The following MRC1 variants were observed in gnomAD, a reference collection of about 807,000 sequenced individuals.
MRC1 encodes mannose receptor C-type 1.
In MRC1, 62 loss-of-function variants were observed where a neutral mutation model predicts 102.9. The observed-to-expected ratio is 0.60, with a 90% CI of 0.49 to 0.74. MRC1 has a LOEUF of 0.74. Ranked by LOEUF, MRC1 falls within the 30% of genes least tolerant of loss-of-function variation. The probability of loss-of-function intolerance (pLI) is 0.00; values close to 1 mark genes in which losing one functional copy is unlikely to be tolerated. For synonymous variants in MRC1, 457 were observed against 298.4 expected, an observed-to-expected ratio of 1.53 and a Z score of -5.48; for missense variants, 1,237 against 862.8, an observed-to-expected ratio of 1.43 and a Z score of -5.43.
chr10:17,901,413 G>A (rs1459891710), intron 25 of MRC1, among the ~76,000 whole-genome samples: 2 of 152,212 alleles, frequency 1.3e-5, no homozygotes, highest in Non-Finnish European at 2.9e-5. Flanking sequence ...TTTGGGCCGG[G>A]TGCGGTGGCT....
intron 5 of MRC1, among the ~76,000 whole-genome samples, chr10:17,843,494 C>T (rs1838780189): frequency 6.6e-6 from 1 of 151,902 alleles, no homozygotes; most frequent in African/African-American, 2.4e-5. Context: ...GGTGAAACCC[C>T]GTCTATACTA....
intron 3 of MRC1, among the ~76,000 whole-genome samples, chr10:17,831,190 C>G (rs926848001): frequency 1.3e-5 from 2 of 150,796 alleles, no homozygotes; most frequent in Non-Finnish European, 2.9e-5. Context: ...CCATGGCGCC[C>G]GCATTTTCTA....
intron 1 of MRC1, among the ~76,000 whole-genome samples, chr10:17,809,773 G>T (rs1003454078): frequency 8.5e-5 from 13 of 152,258 alleles, no homozygotes; most frequent in Admixed American, 6.5e-4. Context: ...GAACCCTACA[G>T]ACCTTCAGTG....
In MRC1 at chr10:17,910,632, C is replaced by A; in HGVS notation, c.*167C>A. On this transcript the variant is annotated 3_prime_UTR_variant, in exon 30 of 30. Transcript: ENST00000569591. ...AATAATTGCTTGTTTTCTAGCCTGG[C>A]AAGATATTTTCATAAAAGAGGGATA... 1 of 682,964 alleles carries A rather than the reference C, an allele frequency of 1.5e-6. No individual in the cohort carries two copies. The highest frequency in any genetic ancestry group is 2.6e-6 in the Non-Finnish European group (1 of 379,118). 42.3% of individuals were successfully genotyped at this position (682,964 alleles called of 1,614,324 possible).
At chr10:17,889,026 T>C (rs1206746917) in intron 22 of MRC1, among the ~76,000 whole-genome samples, 1 of 152,242 alleles carries the variant, frequency 6.6e-6, no homozygotes, top group Non-Finnish European at 1.5e-5. Context: ...TGTTCCTCTT[T>C]ACCTCTGGTA....
At chr10:17,846,268 C>G (rs1298549263) in intron 6 of MRC1, among the ~76,000 whole-genome samples, 1 of 152,094 alleles carries the variant, frequency 6.6e-6, no homozygotes, top group Non-Finnish European at 1.5e-5. Context: ...TTGTGTTGTC[C>G]CTTACAATTT....
chr10:17,863,719 C>G, intron 11 of MRC1, 37 bp downstream of exon 11: 1 of 775,560 alleles, frequency 1.3e-6, no homozygotes, highest in South Asian at 1.4e-5. Flanking sequence ...TGCTTTCACC[C>G]TACGAATCTG....
At chr10:17,876,367 C>T (rs976129230) in intron 17 of MRC1, among the ~76,000 whole-genome samples, 4 of 151,962 alleles carry the variant, frequency 2.6e-5, no homozygotes, top group African/African-American at 7.3e-5. Flanking sequence ...CCTGCCTCAG[C>T]CTTCTGAGTA....
chr10:17,819,133 A>G (rs991130356), intron 1 of MRC1, among the ~76,000 whole-genome samples: 22 of 152,326 alleles, frequency 1.4e-4, no homozygotes, highest in African/African-American at 4.8e-4. Flanking sequence ...TTTACTATTG[A>G]GTGAACATTC....
At chr10:17,857,548 C>T (rs933719102) in intron 9 of MRC1, among the ~76,000 whole-genome samples, 10 of 152,070 alleles carry the variant, frequency 6.6e-5, no homozygotes, top group African/African-American at 1.9e-4. Context: ...TTATGAAGTA[C>T]AATTATTGCA....
rs2274420 is a variant in MRC1 at position 17,900,798 on chromosome 10, A to G, written c.3494A>G (p.Gln1165Arg). ...TTTTTGTCGTTGCAGACTGATAATC[A>G]ATACACTTGGACTGATAAGTGGAGG... ...IALNSNLTDN[Q>R]YTWTDKWRVR... is the part of the protein sequence containing the mutation. The change falls in exon 25 of 30, where the codon CAA (glutamine) becomes CGA (arginine). Residue 1165 changes from glutamine to arginine, a missense_variant. Physicochemically the swap from Gln to Arg is conservative, Grantham distance 43 (BLOSUM62 1). Transcript: ENST00000569591. 1.7e-5 allele frequency: 13 copies of G among 780,694 alleles called. No individual in the cohort carries two copies. In the East Asian group the frequency reaches 3.2e-4, roughly 19 times the overall value. The allele number at this position is 780,694 out of a possible 1,614,324, so 48.4% of individuals were successfully genotyped here. A position where few individuals can be genotyped will look rare whatever the true frequency, so the allele number is the denominator to read the frequency against.
chr10:17,904,843 C>T (rs1008680864), intron 26 of MRC1, among the ~76,000 whole-genome samples: 56 of 152,274 alleles, frequency 3.7e-4, no homozygotes, highest in African/African-American at 1.2e-3. Flanking sequence ...CTACATTCCC[C>T]GGAATTTGTC....
chr10:17,845,149 A>T (rs1490207628), intron 5 of MRC1, 140 bp from the exon 6 acceptor site: 2 of 779,408 alleles, frequency 2.6e-6, no homozygotes, highest in African/African-American at 3.4e-5. Context: ...GTCAGTAAAT[A>T]TTTTTTTGTG....
intron 7 of MRC1, among the ~76,000 whole-genome samples, chr10:17,852,536 A>G (rs1300690980): frequency 3.3e-5 from 5 of 152,214 alleles, no homozygotes; most frequent in African/African-American, 4.8e-5. Context: ...ACATTCATCA[A>G]TTTAATCATA....
intron 1 of MRC1, among the ~76,000 whole-genome samples, chr10:17,810,382 A>G (rs1178508439): frequency 6.6e-6 from 1 of 152,062 alleles, no homozygotes; most frequent in African/African-American, 2.4e-5. Context: ...ACTTGCAGAG[A>G]ATGGTTTGTG....
chr10:17,809,623 T>G, intron 1 of MRC1, 97 bp downstream of exon 1: 2 of 825,196 alleles, frequency 2.4e-6, no homozygotes, highest in Non-Finnish European at 2.2e-6. Flanking sequence ...TCAACATCTT[T>G]GTGAGGAGGA....
chr10:17,824,094 T>C (rs2130593151), intron 2 of MRC1, among the ~76,000 whole-genome samples: 1 of 152,314 alleles, frequency 6.6e-6, no homozygotes, highest in South Asian at 2.1e-4. Context: ...ATACCTCCAA[T>C]GCGGTGGGAG....
intron 23 of MRC1, among the ~76,000 whole-genome samples, chr10:17,897,771 T>C (rs1164326393): frequency 6.6e-6 from 1 of 152,244 alleles, no homozygotes; most frequent in Non-Finnish European, 1.5e-5. Context: ...TCACATGTTT[T>C]GTTTGTTAGT....
intron 10 of MRC1, 22 bp downstream of exon 10, chr10:17,861,524 A>G (rs1833183946): frequency 2.3e-6 from 2 of 852,768 alleles, no homozygotes; most frequent in Admixed American, 1.7e-5. Flanking sequence ...TTTTAATTTC[A>G]TTTTAAAATA....
Sources: gnomAD v4.1 joint callset for allele counts (sites outside exome capture counted in the v4.1 genomes callset) on GRCh38, gnomAD v4.1.1 for gene constraint, MANE v1.5 for transcripts, NCBI Gene and HGNC (gene_info 2026-07-23, HGNC 2026-07-21) for gene names.